Variants in RPL27A observed in about 807,000 individuals in gnomAD.
RPL27A encodes the protein large ribosomal subunit protein uL15.
For missense variants in RPL27A, 118 were observed against 189.4 expected (o/e 0.62, Z 2.21); for synonymous variants, 69 against 68.3 (o/e 1.01, Z -0.05).
chr11:8,689,818 A>G lies in RPL27A; in HGVS notation c.*4012A>G, dbSNP rs1331960457. On this transcript the variant is annotated 3_prime_UTR_variant, in exon 5 of 5. Coordinates refer to ENST00000314138, the MANE Select transcript of RPL27A (RefSeq NM_000990.5). ...GTATCCCTGTAAGTCATTTTGGTAT[A>G]AAGTAGGTTATAAGTGTACATGCGA... is the stretch of plus-strand genomic sequence containing the variant. 6.6e-6 allele frequency: 1 copy of G among 152,206 alleles called. No individual in the cohort carries two copies. Among genetic ancestry groups the G allele is most frequent in the East Asian group, 1.9e-4 (1 of 5,200 alleles). The allele number at this position is 152,206 out of a possible 1,614,324, so 9.4% of individuals were successfully genotyped here. A position where few individuals can be genotyped will look rare whatever the true frequency, so the allele number is the denominator to read the frequency against.
At chr11:8,685,268 G>A (rs926727577) in intron 4 of RPL27A, 4 of 446,104 alleles carry the variant, frequency 9.0e-6, no homozygotes, top group African/African-American at 8.0e-5. Flanking sequence ...CCCTGTGTCA[G>A]TCTTAACTCT....
chr11:8,683,161 C>T, intron 1 of RPL27A, 41 bp from the exon 2 acceptor site: 4 of 1,600,474 alleles, frequency 2.5e-6, no homozygotes, highest in Non-Finnish European at 3.4e-6. Context: ...GCCCCCTGCC[C>T]CTAATTCCTT....
rs1397530715 is a variant in RPL27A, at chr11:8,684,756, A to G, written c.182A>G (p.Tyr61Cys). ...GYFGKVGMKH[Y>C]HLKRNQSFCP... ...TTTGGGAAAGTTGGTATGAAGCATT[A>G]CCACTTAAAGAGGAACCAGAGCTTC... Residue 61 changes from tyrosine to cysteine, a missense_variant, in exon 4 of 5, where the codon TAC becomes TGC. Tyr to Cys is a radical substitution (Grantham distance 194, BLOSUM62 -2). Coordinates refer to ENST00000314138, the MANE Select transcript of RPL27A (RefSeq NM_000990.5). 1 of 1,614,160 alleles carries G rather than the reference A, an allele frequency of 6.2e-7. No individual in the cohort carries two copies. Among genetic ancestry groups the G allele is most frequent in the South Asian group, 1.1e-5 (1 of 91,086 alleles).
chr11:8,682,881 G>C (rs1207685464), intron 1 of RPL27A, 65 bp downstream of exon 1: 1 of 1,551,018 alleles, frequency 6.4e-7, no homozygotes, highest in Non-Finnish European at 8.7e-7. Flanking sequence ...TATTCCCATT[G>C]CCCCTAGTCA....
chr11:8,684,945 T>G, intron 4 of RPL27A, 53 bp downstream of exon 4: 9 of 1,537,616 alleles, frequency 5.9e-6, no homozygotes, highest in Non-Finnish European at 8.1e-6. Context: ...TACAAAACTC[T>G]GGCTTAATCT....
intron 3 of RPL27A, 36 bp downstream of exon 3, chr11:8,684,117 TG>T (rs766296812): frequency 4.1e-5 from 64 of 1,562,566 alleles, no homozygotes; most frequent in Middle Eastern, 3.3e-4. Context: ...TGACACAGCT[TG>T]GGAGGTAGGG....
At chr11:8,683,517 T>C in intron 2 of RPL27A, 1 of 570,656 alleles carries the variant, frequency 1.8e-6, no homozygotes, top group Non-Finnish European at 3.1e-6. Flanking sequence ...TGCTGTGATG[T>C]GGAACCTGAA....
At chr11:8,684,110 C>G (rs1447801497) in intron 3 of RPL27A, 29 bp downstream of exon 3, 1 of 1,586,104 alleles carries the variant, frequency 6.3e-7, no homozygotes, top group Admixed American at 1.7e-5. Flanking sequence ...CTTTTATTGA[C>G]ACAGCTTGGG....
intron 2 of RPL27A, chr11:8,683,466 C>G: frequency 1.7e-6 from 1 of 604,432 alleles, no homozygotes; most frequent in Non-Finnish European, 2.9e-6. Context: ...ATTGAGCAGG[C>G]ACGGTATTGG....
chr11:8,689,358 G>A lies in RPL27A; in HGVS notation c.*3552G>A, dbSNP rs1183682261. 2 of 152,224 alleles carry A rather than the reference G, an allele frequency of 1.3e-5. No individual in the cohort carries two copies. Among genetic ancestry groups the A allele is most frequent in the African/African-American group, 4.8e-5 (2 of 41,448 alleles). The allele number at this position is 152,224 out of a possible 1,614,324, so 9.4% of individuals were successfully genotyped here. A position where few individuals can be genotyped will look rare whatever the true frequency, so the allele number is the denominator to read the frequency against. On this transcript the variant is annotated 3_prime_UTR_variant, in exon 5 of 5. Coordinates refer to ENST00000314138, the MANE Select transcript of RPL27A (RefSeq NM_000990.5). ...CTTTGGGCTAAAAAAGAAAGTGCTT[G>A]TACACGGATGGAAATATTCTAGAAG...
Position 8,689,427 on chromosome 11 carries a change from C to T in RPL27A, c.*3621C>T, listed in dbSNP as rs2039617786. ...TCTTAGGAGGTTAGGGAAATGAGCA[C>T]GAAGTATGTTTTGGTGCAGTTTTTT... On this transcript the variant is annotated 3_prime_UTR_variant, in exon 5 of 5. Coordinates refer to ENST00000314138, the MANE Select transcript of RPL27A (RefSeq NM_000990.5). 6.6e-6 allele frequency: 1 copy of T among 151,520 alleles called. No individual in the cohort carries two copies. The highest frequency in any genetic ancestry group is 2.1e-4 in the South Asian group (1 of 4,820). The allele number at this position is 151,520 out of a possible 1,614,324, so 9.4% of individuals were successfully genotyped here.
rs770687503 is a variant in RPL27A at position 8,685,775 on chromosome 11, G to A, written c.416G>A (p.Ser139Asn). The change falls in exon 5 of 5, where the codon AGT becomes AAT. Residue 139 changes from serine (S) to asparagine (N), a missense_variant. Physicochemically the swap from Ser to Asn is conservative, Grantham distance 46. Coordinates refer to ENST00000314138, the MANE Select transcript of RPL27A (RefSeq NM_000990.5). ...AGAAGAGCTGAGGAGAAGATTAAGAGTGTTGGGGGGGCCTGTGTCCTGGTG... is the reference window on the plus strand; with the variant it reads ...AGAAGAGCTGAGGAGAAGATTAAGAATGTTGGGGGGGCCTGTGTCCTGGTG... ...FSRRAEEKIK[S>N]VGGACVLVA is the part of the protein sequence containing the mutation. 20 of 1,613,884 alleles carry A rather than the reference G, an allele frequency of 1.2e-5. No homozygotes were observed. The highest frequency in any genetic ancestry group is 1.1e-5 in the Non-Finnish European group (13 of 1,179,918).
In RPL27A at chr11:8,689,372, A is replaced by G. The variant is rs1336307671; in HGVS notation, c.*3566A>G. ...AGAAAGTGCTTGTACACGGATGGAA[A>G]TATTCTAGAAGAACATAAAAGGAAT... On this transcript the variant is annotated 3_prime_UTR_variant, in exon 5 of 5. Transcript: ENST00000314138. 2.0e-5 allele frequency: 3 copies of G among 152,102 alleles called. No homozygotes were observed. Among genetic ancestry groups the G allele is most frequent in the Admixed American group, 1.3e-4 (2 of 15,268 alleles). 9.4% of individuals were successfully genotyped at this position (152,102 alleles called of 1,614,324 possible). A position where few individuals can be genotyped will look rare whatever the true frequency, so the allele number is the denominator to read the frequency against.
chr11:8,684,139 G>A, intron 3 of RPL27A, 58 bp downstream of exon 3: 1 of 1,444,734 alleles, frequency 6.9e-7, no homozygotes. Context: ...GCAGAGAGAG[G>A]GCTGGCTTAA....
chr11:8,688,948 G>A lies in RPL27A; in HGVS notation c.*3142G>A, dbSNP rs2039611786. 1 of 152,262 alleles carries A rather than the reference G, an allele frequency of 6.6e-6. No homozygotes were observed. Among genetic ancestry groups the A allele is most frequent in the Non-Finnish European group, 1.5e-5 (1 of 68,050 alleles). 9.4% of individuals were successfully genotyped at this position (152,262 alleles called of 1,614,324 possible). A position where few individuals can be genotyped will look rare whatever the true frequency, so the allele number is the denominator to read the frequency against. The stretch of plus-strand genomic sequence containing the variant: ...GTCCTCACAACACAGACCGGACCTT[G>A]GGTCTTACCCCGGCACCTGAGAACC... On this transcript the variant is annotated 3_prime_UTR_variant, in exon 5 of 5. Transcript: ENST00000314138.
intron 4 of RPL27A, 84 bp downstream of exon 4, chr11:8,684,976 A>G: frequency 7.7e-7 from 1 of 1,302,532 alleles, no homozygotes; most frequent in Non-Finnish European, 1.1e-6. Flanking sequence ...TATAATCTGT[A>G]CTTCCCAGTT....
chr11:8,683,073 C>T (rs768795409), intron 1 of RPL27A, 129 bp from the exon 2 acceptor site: 125 of 1,031,870 alleles, frequency 1.2e-4, no homozygotes, highest in Non-Finnish European at 1.7e-4. Flanking sequence ...CGGATCGGTA[C>T]CCTCAGCTTT....
At chr11:8,683,514 A>C in intron 2 of RPL27A, 1 of 572,594 alleles carries the variant, frequency 1.7e-6, no homozygotes, top group African/African-American at 1.9e-5. Flanking sequence ...GAATGCTGTG[A>C]TGTGGAACCT....
At position 8,686,968 on chromosome 11, in the gene RPL27A, G is replaced by A. The variant is rs1456992630; in HGVS notation, c.*1162G>A. On this transcript the variant is annotated 3_prime_UTR_variant, in exon 5 of 5. Transcript: ENST00000314138. ...GGAGGTTTCCTTAGTGCACTGTGGG[G>A]TCATAATAAGCCGAGAACCATGGCT... 1 of 152,150 alleles carries A rather than the reference G, an allele frequency of 6.6e-6. No homozygotes were observed. The highest frequency in any genetic ancestry group is 2.4e-5 in the African/African-American group (1 of 41,428). The allele number at this position is 152,150 out of a possible 1,614,324, so 9.4% of individuals were successfully genotyped here.
Sources: gnomAD v4.1 joint callset for allele counts on GRCh38, gnomAD v4.1.1 for gene constraint, MANE v1.5 for transcripts, NCBI Gene and HGNC (gene_info 2026-07-23, HGNC 2026-07-21) for gene names.